The following VEGFC variants were observed in gnomAD, a reference collection of about 807,000 sequenced individuals.
VEGFC encodes the protein FLT4 ligand DHM.
Under a neutral mutation model 46.1 loss-of-function variants are expected in VEGFC, and 12 were observed. The ratio of observed to expected loss-of-function variants is 0.26; its 90% CI spans 0.17 to 0.42. The LOEUF (loss-of-function observed/expected upper bound fraction) is 0.42. Among genes scored for constraint, VEGFC ranks in the 10% least tolerant of loss-of-function variants. VEGFC has a pLI of 1.00. For synonymous variants in VEGFC, 232 were observed against 195.5 expected (o/e 1.19, Z -1.56); for missense variants, 488 against 529.4 (o/e 0.92, Z 0.77).
intron 4 of VEGFC, among the ~76,000 whole-genome samples, chr4:176,699,734 G>C (rs1480813719): frequency 6.6e-6 from 1 of 152,132 alleles, no homozygotes; most frequent in Non-Finnish European, 1.5e-5. Flanking sequence ...AATGGAAGGT[G>C]GTTAAGTAAA....
At chr4:176,704,069 T>TTTCTAATA (rs1487429864) in intron 4 of VEGFC, among the ~76,000 whole-genome samples, 2 of 152,150 alleles carry the variant, frequency 1.3e-5, no homozygotes, top group African/African-American at 4.8e-5. Context: ...TTCTTGAACC[T>TTTCTAATA]TTCTAATATT....
intron 1 of VEGFC, among the ~76,000 whole-genome samples, chr4:176,754,131 T>G (rs1450233837): frequency 6.6e-6 from 1 of 151,904 alleles, no homozygotes; most frequent in Non-Finnish European, 1.5e-5. Flanking sequence ...TTACTCGAAT[T>G]TCGAATTCTT....
In VEGFC at chr4:176,792,328, G is replaced by A. The variant is rs994944760; in HGVS notation, c.-17C>T. The A allele has an allele frequency of 3.4e-6, 5 of 1,476,242 alleles. No individual in the cohort carries two copies. Among genetic ancestry groups the A allele is most frequent in the Admixed American group, 2.6e-5 (1 of 38,004 alleles). The allele number at this position is 1,476,242 out of a possible 1,614,324, so 91.4% of individuals were successfully genotyped here. A position where few individuals can be genotyped will look rare whatever the true frequency, so the allele number is the denominator to read the frequency against. On this transcript the variant is annotated 5_prime_UTR_variant, in exon 1 of 7. Transcript: ENST00000618562. The surrounding 1 kb of genome is among the most constrained non-coding windows in gnomAD (Gnocchi z 6.3). ...CAAGTGCATGGTGGAAGGACCGGGG[G>A]TGGGGGACCGGTCCGCTGGCGGGGG...
chr4:176,742,889 A>C (rs1258592049), intron 1 of VEGFC, among the ~76,000 whole-genome samples: 1 of 152,074 alleles, frequency 6.6e-6, no homozygotes, highest in Non-Finnish European at 1.5e-5. Flanking sequence ...GCAAGAACTC[A>C]GTCAGGTGCT....
intron 1 of VEGFC, among the ~76,000 whole-genome samples, chr4:176,747,154 G>A (rs1024739372): frequency 1.8e-4 from 28 of 152,024 alleles, no homozygotes; most frequent in African/African-American, 6.8e-4. Context: ...ATCTAACAGT[G>A]TAGTTATATA....
At chr4:176,690,775 T>C (rs1378471827) in intron 4 of VEGFC, among the ~76,000 whole-genome samples, 1 of 152,226 alleles carries the variant, frequency 6.6e-6, no homozygotes, top group Non-Finnish European at 1.5e-5. Flanking sequence ...ACATTTTGGT[T>C]ATGTCGCTTC....
intron 1 of VEGFC, among the ~76,000 whole-genome samples, chr4:176,757,118 T>C (rs919235424): frequency 1.3e-5 from 2 of 152,042 alleles, no homozygotes; most frequent in African/African-American, 4.8e-5. Context: ...GAGGAATAAA[T>C]GGACAGAGTA....
intron 1 of VEGFC, among the ~76,000 whole-genome samples, chr4:176,768,930 GGTCTGTAAT>G (rs1735678240): frequency 6.6e-6 from 1 of 151,742 alleles, no homozygotes; most frequent in African/African-American, 2.4e-5. Context: ...CCCGTGCTGT[GGTCTGTAAT>G]GTCAATGTCC....
intron 1 of VEGFC, among the ~76,000 whole-genome samples, chr4:176,757,624 C>G (rs1457253603): frequency 6.6e-6 from 1 of 151,452 alleles, no homozygotes; most frequent in Non-Finnish European, 1.5e-5. Context: ...AAGTGCTCTT[C>G]ATTAACAATT....
chr4:176,699,956 T>G (rs3775195), intron 4 of VEGFC, among the ~76,000 whole-genome samples: 115,622 of 152,144 alleles, frequency 0.76, 44,282 homozygotes, highest in East Asian at 0.95. Flanking sequence ...CTGTTTGCTC[T>G]TGTTCCATTA....
intron 4 of VEGFC, among the ~76,000 whole-genome samples, chr4:176,707,163 C>T (rs899094601): frequency 6.6e-6 from 1 of 152,074 alleles, no homozygotes; most frequent in African/African-American, 2.4e-5. Flanking sequence ...GAGTTGTTTC[C>T]AGTTATTGAC....
rs547828139 is a variant in VEGFC, at chr4:176,765,616, C to T, written c.147+26549G>A. Among the ~76,000 whole-genome samples the T allele has an allele frequency of 5.7e-5, 8 of 139,792 alleles. No individual in the cohort carries two copies. In the East Asian group the frequency reaches 8.6e-4, roughly 15 times the overall value. 91.7% of individuals were successfully genotyped at this position (139,792 alleles called of 152,430 possible). Reference sequence around the variant, plus strand: ...TGTCGCCCAGGCTGGAGTGCAGTGGCGTGATCTCGGCTCACTGTAACCTCC... The same window carrying T: ...TGTCGCCCAGGCTGGAGTGCAGTGGTGTGATCTCGGCTCACTGTAACCTCC... On this transcript the variant is annotated intron_variant, in intron 1 of 6. Coordinates refer to ENST00000618562, the MANE Select transcript of VEGFC (RefSeq NM_005429.5).
chr4:176,725,280 G>A lies in VEGFC; in HGVS notation c.552+2498C>T, dbSNP rs74437369. Among the ~76,000 whole-genome samples, 306 of 152,214 alleles carry A rather than the reference G, an allele frequency of 2.0e-3. 3 individuals carry two copies. The highest frequency in any genetic ancestry group is 7.1e-3 in the African/African-American group (297 of 41,540). The stretch of plus-strand genomic sequence containing the variant: ...TGGGAAATCACTGAAAGGCCTTTAT[G>A]CTGGAGACTGACATCAGCTCTGTGG... On this transcript the variant is annotated intron_variant, in intron 3 of 6. Transcript: ENST00000618562.
At chr4:176,787,667 A>G (rs1205855343) in intron 1 of VEGFC, among the ~76,000 whole-genome samples, 2 of 152,160 alleles carry the variant, frequency 1.3e-5, no homozygotes, top group Admixed American at 6.5e-5. Context: ...TTAAATAAAA[A>G]CAGTCTCTGC....
intron 1 of VEGFC, among the ~76,000 whole-genome samples, chr4:176,790,321 C>T (rs1186036260): frequency 1.3e-5 from 2 of 152,162 alleles, no homozygotes; most frequent in African/African-American, 4.8e-5. Flanking sequence ...ATGCAGAATA[C>T]TAACCCATAT....
At chr4:176,788,596 C>T (rs1300554841) in intron 1 of VEGFC, among the ~76,000 whole-genome samples, 1 of 152,216 alleles carries the variant, frequency 6.6e-6, no homozygotes, top group Non-Finnish European at 1.5e-5. Context: ...CTGTTGTTTA[C>T]TCTCACGATC....
intron 2 of VEGFC, 47 bp downstream of exon 2, chr4:176,729,486 T>C: frequency 3.9e-6 from 6 of 1,520,086 alleles, no homozygotes; most frequent in Non-Finnish European, 5.3e-6. Context: ...CAACTTCTAC[T>C]GGTTTGATAT....
At chr4:176,747,453 G>C (rs913365076) in intron 1 of VEGFC, among the ~76,000 whole-genome samples, 2 of 151,900 alleles carry the variant, frequency 1.3e-5, no homozygotes, top group Non-Finnish European at 2.9e-5. Flanking sequence ...GCAAACCCTG[G>C]GTCAGAAGGT....
At chr4:176,779,862 G>A (rs1735878655) in intron 1 of VEGFC, among the ~76,000 whole-genome samples, 1 of 152,172 alleles carries the variant, frequency 6.6e-6, no homozygotes, top group Non-Finnish European at 1.5e-5. Context: ...AGAAAACAAT[G>A]TGCGAATGTA....
Sources: allele counts gnomAD v4.1 joint callset (sites outside exome capture counted in the v4.1 genomes callset), GRCh38; gene constraint gnomAD v4.1.1; non-coding constraint Gnocchi (gnomAD v3.1); transcripts MANE v1.5; gene names NCBI Gene and HGNC (gene_info 2026-07-23, HGNC 2026-07-21).